INPP5A: variants seen among roughly 807,000 people sequenced by gnomAD.
The protein encoded by INPP5A is inositol polyphosphate-5-phosphatase A.
A neutral mutation model predicts 65.2 loss-of-function variants in INPP5A; 14 were observed. The ratio of observed to expected loss-of-function variants is 0.21; its 90% CI spans 0.14 to 0.34. The LOEUF is 0.34. Ranked by LOEUF, INPP5A falls within the 10% of genes least tolerant of loss-of-function variation. INPP5A has a pLI of 1.00. For synonymous variants in INPP5A, 207 were observed against 208.3 expected (o/e 0.99, Z 0.05); for missense variants, 431 against 545.6 (o/e 0.79, Z 2.09).
chr10:132,574,326 C>T lies in INPP5A; in HGVS notation c.76-33589C>T, dbSNP rs556961772. Among the ~76,000 whole-genome samples the T allele has an allele frequency of 9.3e-5, 13 of 139,698 alleles. No individual in the cohort carries two copies. The Admixed American group carries it at 9.3e-4, about 10-fold the overall frequency. 91.6% of individuals were successfully genotyped at this position (139,698 alleles called of 152,430 possible). On this transcript the variant is annotated intron_variant, in intron 1 of 15. Coordinates refer to ENST00000368594, the MANE Select transcript of INPP5A (RefSeq NM_005539.5). ...TGTTGAGATTTTGGGTTGTACGTGC[C>T]GTGGGAGGTTTTGTTGAGATGTTGG...
At chr10:132,719,511 G>T (rs1339163357) in intron 8 of INPP5A, among the ~76,000 whole-genome samples, 2 of 147,814 alleles carry the variant, frequency 1.4e-5, no homozygotes, top group African/African-American at 5.3e-5. Flanking sequence ...TTCTGTCTGG[G>T]CGCCTTAGAC....
intron 1 of INPP5A, among the ~76,000 whole-genome samples, chr10:132,595,156 G>A (rs978394889): frequency 6.6e-6 from 1 of 152,250 alleles, no homozygotes; most frequent in South Asian, 2.1e-4. Flanking sequence ...CTCCTGTGAC[G>A]TGCTGGCACC....
At position 132,545,776 on chromosome 10, in the gene INPP5A, G is replaced by A. The variant is rs1237529513; in HGVS notation, c.75+7605G>A. 6.6e-6 allele frequency among the ~76,000 whole-genome samples: 1 copy of A among 152,246 alleles called. No homozygotes were observed. The highest frequency in any genetic ancestry group is 1.9e-4 in the East Asian group (1 of 5,186). ...CCCAAGTCGCACCCCACCAGGTCTG[G>A]TTGGTGCTGCCATGGGCTCAGATCT... On this transcript the variant is annotated intron_variant, in intron 1 of 15. Coordinates refer to ENST00000368594, the MANE Select transcript of INPP5A (RefSeq NM_005539.5). The surrounding 1 kb of genome is among the most constrained non-coding windows in gnomAD (Gnocchi z 4.6).
intron 1 of INPP5A, among the ~76,000 whole-genome samples, chr10:132,601,606 C>G (rs1483925189): frequency 2.6e-5 from 4 of 152,186 alleles, no homozygotes; most frequent in African/African-American, 9.7e-5. Flanking sequence ...CCTATGTTTT[C>G]TTCTAAGAAT....
intron 1 of INPP5A, 119 bp from the exon 2 acceptor site, chr10:132,607,796 G>C: frequency 1.0e-6 from 1 of 994,664 alleles, no homozygotes; most frequent in Non-Finnish European, 1.5e-6. Context: ...TCCATGCGGG[G>C]TGGGCCCGGG....
chr10:132,710,881 G>C (rs1203595333), intron 8 of INPP5A, among the ~76,000 whole-genome samples: 4 of 152,058 alleles, frequency 2.6e-5, no homozygotes, highest in African/African-American at 9.7e-5. Flanking sequence ...TGGGTGGGCA[G>C]GTCGGTGTGT....
intron 9 of INPP5A, among the ~76,000 whole-genome samples, chr10:132,748,005 A>G (rs562674258): frequency 7.0e-4 from 107 of 152,320 alleles, no homozygotes; most frequent in Middle Eastern, 3.4e-3. Flanking sequence ...AGCCTTGATC[A>G]CGCCACTGCG....
intron 9 of INPP5A, among the ~76,000 whole-genome samples, chr10:132,735,640 G>A (rs1038247922): frequency 7.2e-5 from 11 of 152,220 alleles, no homozygotes; most frequent in Admixed American, 5.2e-4. Context: ...ACTGCCGACC[G>A]CGTTCCTCTG....
In INPP5A at chr10:132,627,148, C is replaced by A. The variant is rs969434028; in HGVS notation, c.118-18720C>A. ...AGCTCTGTGAGCCAGGAAGGACCCT[C>A]ACCAGGAACCAAACCGGCCGGCTTC... On this transcript the variant is annotated intron_variant, in intron 2 of 15. Transcript: ENST00000368594. The surrounding 1 kb of genome is among the most constrained non-coding windows in gnomAD (Gnocchi z 6.6). Among the ~76,000 whole-genome samples the A allele has an allele frequency of 9.2e-5, 14 of 152,308 alleles. No individual in the cohort carries two copies. The highest frequency in any genetic ancestry group is 3.4e-4 in the African/African-American group (14 of 41,576).
chr10:132,679,908 C>T (rs1329973754), intron 4 of INPP5A, among the ~76,000 whole-genome samples: 1 of 152,154 alleles, frequency 6.6e-6, no homozygotes, highest in Non-Finnish European at 1.5e-5. Context: ...GACGCTGATA[C>T]CCACACGCAG....
rs1847169417 is a variant in INPP5A at position 132,781,895 on chromosome 10, C to T, written c.1193C>T (p.Ala398Val). 1 of 1,613,874 alleles carries T rather than the reference C, an allele frequency of 6.2e-7. No individual in the cohort carries two copies. The highest frequency in any genetic ancestry group is 8.5e-7 in the Non-Finnish European group (1 of 1,180,012). Residue 398 changes from alanine (A) to valine (V), a missense_variant, in exon 15 of 16, where the codon GCA becomes GTA. By Grantham distance (64) the Ala-to-Val change is moderately conservative. Transcript: ENST00000368594. ...VFLAFRIMPG[A>V]GKPHAHVHKC... Reference sequence around the variant, plus strand: ...CTGGCCTTCCGAATCATGCCCGGGGCAGGTAAACCTCATGCCCATGTGCAC... The same window carrying T: ...CTGGCCTTCCGAATCATGCCCGGGGTAGGTAAACCTCATGCCCATGTGCAC...
chr10:132,650,337 C>T lies in INPP5A; in HGVS notation c.219-81C>T. 1 of 900,164 alleles carries T rather than the reference C, an allele frequency of 1.1e-6. No homozygotes were observed. The highest frequency in any genetic ancestry group is 1.9e-6 in the Non-Finnish European group (1 of 537,636). 55.8% of individuals were successfully genotyped at this position (900,164 alleles called of 1,614,324 possible). A position where few individuals can be genotyped will look rare whatever the true frequency, so the allele number is the denominator to read the frequency against. ...GGTGATGTACCTATGTGCTGGAGCCCCTCTTATACCTTGTGGTCATCTCAT... is the reference window on the plus strand; with the variant it reads ...GGTGATGTACCTATGTGCTGGAGCCTCTCTTATACCTTGTGGTCATCTCAT... On this transcript the variant is annotated intron_variant, in intron 3 of 15. Coordinates refer to ENST00000368594, the MANE Select transcript of INPP5A (RefSeq NM_005539.5). This position sits in a 1 kb window ranked among gnomAD's most constrained non-coding sequence, Gnocchi z 5.5.
At chr10:132,683,151 G>T (rs1336079745) in intron 4 of INPP5A, among the ~76,000 whole-genome samples, 2 of 138,494 alleles carry the variant, frequency 1.4e-5, no homozygotes, top group African/African-American at 5.5e-5. Context: ...AAGGCCATGT[G>T]TTGTATTATA....
At chr10:132,732,724 G>T (rs563347827) in intron 9 of INPP5A, among the ~76,000 whole-genome samples, 7 of 152,162 alleles carry the variant, frequency 4.6e-5, no homozygotes, top group Non-Finnish European at 1.0e-4. Flanking sequence ...GTATCCCCAG[G>T]GTCACCTGCG....
intron 2 of INPP5A, among the ~76,000 whole-genome samples, chr10:132,611,630 G>A (rs1223230494): frequency 8.5e-4 from 64 of 74,998 alleles, no homozygotes; most frequent in South Asian, 1.1e-3. Context: ...GCCCTGTCAG[G>A]GGAGGGTGAG....
Position 132,555,386 on chromosome 10 carries a change from A to G in INPP5A, c.75+17215A>G, listed in dbSNP as rs1327690274. 1.3e-5 allele frequency among the ~76,000 whole-genome samples: 2 copies of G among 151,950 alleles called. No homozygotes were observed. The highest frequency in any genetic ancestry group is 4.8e-5 in the African/African-American group (2 of 41,348). The stretch of plus-strand genomic sequence containing the variant: ...TGGCCCAGTGGAGCTGCTGGGGCCT[A>G]TCTGTTTTTTTGAACTTCTGATAAG... On this transcript the variant is annotated intron_variant, in intron 1 of 15. Transcript: ENST00000368594. The surrounding 1 kb of genome is among the most constrained non-coding windows in gnomAD (Gnocchi z 4.4).
At chr10:132,628,477 G>GGC (rs2072223101) in intron 2 of INPP5A, among the ~76,000 whole-genome samples, 1 of 149,980 alleles carries the variant, frequency 6.7e-6, no homozygotes, top group Non-Finnish European at 1.5e-5. Context: ...GGGGGGGGGG[G>GGC]GCGTGGCGTG....
At position 132,777,705 on chromosome 10, in the gene INPP5A, C is replaced by A; in HGVS notation, c.1012C>A (p.Gln338Lys). The A allele has an allele frequency of 6.2e-7, 1 of 1,613,006 alleles. No homozygotes were observed. Among genetic ancestry groups the A allele is most frequent in the African/African-American group, 1.3e-5 (1 of 75,054 alleles). The change falls in exon 13 of 16, where the codon CAG becomes AAG. Residue 338 changes from glutamine to lysine, a missense_variant. Physicochemically the swap from Gln to Lys is moderately conservative, Grantham distance 53. Transcript: ENST00000368594. ...CAGTGAGGACGCCCGCCAGGGTGAG[C>A]AGTACATGAACACCCGGTGCCCAGC... ...PYSEDARQGE[Q>K]YMNTRCPAWC...
At chr10:132,763,940 C>T (rs1480447633) in intron 11 of INPP5A, among the ~76,000 whole-genome samples, 1 of 152,418 alleles carries the variant, frequency 6.6e-6, no homozygotes, top group East Asian at 1.9e-4. Flanking sequence ...CATGCCCCTA[C>T]TCTGCCTTTG....
Sources: allele counts gnomAD v4.1 joint callset (sites outside exome capture counted in the v4.1 genomes callset), GRCh38; gene constraint gnomAD v4.1.1; non-coding constraint Gnocchi (gnomAD v3.1); transcripts MANE v1.5; gene names NCBI Gene and HGNC (gene_info 2026-07-23, HGNC 2026-07-21).